HHAT: variants seen among roughly 807,000 people sequenced by gnomAD.
HHAT encodes protein-cysteine N-palmitoyltransferase HHAT.
In HHAT, 47 loss-of-function variants were observed where a neutral mutation model predicts 70.8. The ratio of observed to expected loss-of-function variants is 0.66; its 90% CI spans 0.53 to 0.85. The LOEUF (loss-of-function observed/expected upper bound fraction) is 0.85. Among genes scored for constraint, HHAT ranks in the 40% least tolerant of loss-of-function variants. HHAT has a pLI of 0.00. For missense variants in HHAT, 609 were observed against 604.8 expected (o/e 1.01, Z -0.07); for synonymous variants, 228 against 247.6 (o/e 0.92, Z 0.74).
chr1:210,440,721 C>CTG (rs1158628535), intron 7 of HHAT, among the ~76,000 whole-genome samples: 1 of 151,642 alleles, frequency 6.6e-6, no homozygotes, highest in East Asian at 1.9e-4. Flanking sequence ...AATTTCAACA[C>CTG]TGTGTACCTG....
intron 10 of HHAT, among the ~76,000 whole-genome samples, chr1:210,609,068 C>T (rs1262188424): frequency 4.6e-5 from 7 of 152,162 alleles, no homozygotes; most frequent in Non-Finnish European, 1.0e-4. Flanking sequence ...ACTCAATGAC[C>T]TCCACCTGGT....
intron 10 of HHAT, 22 bp downstream of exon 10, chr1:210,588,121 G>T: frequency 6.4e-7 from 1 of 1,556,596 alleles, no homozygotes; most frequent in Non-Finnish European, 8.7e-7. Context: ...CCTTGCTGCT[G>T]TGTTAGGGGA....
chr1:210,407,821 G>A (rs926552949), intron 6 of HHAT, among the ~76,000 whole-genome samples: 9 of 152,184 alleles, frequency 5.9e-5, no homozygotes, highest in African/African-American at 1.7e-4. Context: ...GGGCCACTAC[G>A]TCTTGAAGAG....
At chr1:210,341,254 GTAT>G (rs1157406247) in intron 1 of HHAT, among the ~76,000 whole-genome samples, 1 of 152,162 alleles carries the variant, frequency 6.6e-6, no homozygotes, top group East Asian at 1.9e-4. Context: ...GTGCATGTGA[GTAT>G]TGGGTTATAG....
At chr1:210,565,960 T>A (rs1654626363) in intron 9 of HHAT, among the ~76,000 whole-genome samples, 1 of 152,204 alleles carries the variant, frequency 6.6e-6, no homozygotes, top group African/African-American at 2.4e-5. Flanking sequence ...TCTAGCGTCC[T>A]CTGTGCCAAC....
At chr1:210,359,412 T>C (rs55970959) in intron 2 of HHAT, among the ~76,000 whole-genome samples, 8,652 of 152,212 alleles carry the variant, frequency 0.057, 348 homozygotes, top group Middle Eastern at 0.11. Context: ...AGAACATCAC[T>C]ATTGTAAAAC....
chr1:210,618,811 A>G (rs1390774240), intron 10 of HHAT, among the ~76,000 whole-genome samples: 1 of 152,168 alleles, frequency 6.6e-6, no homozygotes, highest in Non-Finnish European at 1.5e-5. Flanking sequence ...TGCTGCCTGG[A>G]AAAGAGGGAT....
intron 10 of HHAT, among the ~76,000 whole-genome samples, chr1:210,616,920 T>C (rs545265235): frequency 6.6e-6 from 1 of 152,260 alleles, no homozygotes. Flanking sequence ...CATAGATTGA[T>C]ATTGTCTAGC....
chr1:210,521,184 T>C (rs1368036191), intron 9 of HHAT, among the ~76,000 whole-genome samples: 2 of 152,238 alleles, frequency 1.3e-5, no homozygotes, highest in Non-Finnish European at 2.9e-5. Flanking sequence ...TGAAATAGTG[T>C]GTGCCCTTTT....
intron 11 of HHAT, among the ~76,000 whole-genome samples, chr1:210,668,413 T>A (rs1341606317): frequency 1.3e-5 from 2 of 152,196 alleles, no homozygotes; most frequent in Non-Finnish European, 1.5e-5. Flanking sequence ...GGTAGTTGAA[T>A]CATGGGGGTG....
chr1:210,523,629 C>T (rs112994379), intron 9 of HHAT, among the ~76,000 whole-genome samples: 160 of 152,268 alleles, frequency 1.1e-3, no homozygotes, highest in Middle Eastern at 0.01. Flanking sequence ...CGCACACGTG[C>T]GCATGTGTGT....
intron 10 of HHAT, 105 bp downstream of exon 10, chr1:210,588,204 C>G: frequency 1.0e-6 from 1 of 988,862 alleles, no homozygotes; most frequent in Non-Finnish European, 1.5e-6. Context: ...TGGGCCCTTT[C>G]TACTAGGTTG....
intron 8 of HHAT, among the ~76,000 whole-genome samples, chr1:210,469,459 G>C (rs914522898): frequency 6.6e-6 from 1 of 152,026 alleles, no homozygotes; most frequent in African/African-American, 2.4e-5. Flanking sequence ...TTATTCCTCA[G>C]TTTCTTGAGG....
chr1:210,559,287 A>G (rs1408187535), intron 9 of HHAT, among the ~76,000 whole-genome samples: 1 of 152,150 alleles, frequency 6.6e-6, no homozygotes, highest in Non-Finnish European at 1.5e-5. Flanking sequence ...GAGGGCAGGG[A>G]CCTTCTCTGT....
At chr1:210,667,008 A>G (rs1679034653) in intron 11 of HHAT, among the ~76,000 whole-genome samples, 1 of 151,860 alleles carries the variant, frequency 6.6e-6, no homozygotes, top group South Asian at 2.1e-4. Flanking sequence ...TGAACCCGGA[A>G]GGCAGAGCTT....
chr1:210,485,612 C>T (rs928228348), intron 8 of HHAT, among the ~76,000 whole-genome samples: 3 of 152,064 alleles, frequency 2.0e-5, no homozygotes, highest in African/African-American at 4.8e-5. Context: ...TGTACAGTTC[C>T]ACGTGGCTGG....
chr1:210,618,689 A>G (rs886831028), intron 10 of HHAT, among the ~76,000 whole-genome samples: 1 of 152,110 alleles, frequency 6.6e-6, no homozygotes, highest in Non-Finnish European at 1.5e-5. Flanking sequence ...CGACTGTGTC[A>G]TCTGCCTCCC....
chr1:210,559,799 C>T (rs2148705262), intron 9 of HHAT, among the ~76,000 whole-genome samples: 1 of 152,316 alleles, frequency 6.6e-6, no homozygotes, highest in African/African-American at 2.4e-5. Flanking sequence ...TCATTGATGT[C>T]ACCCAGGAAA....
chr1:210,401,871 GCAGTGGCTAGCATCCCCTGGA>G (rs528323675), intron 5 of HHAT, among the ~76,000 whole-genome samples: 70 of 152,036 alleles, frequency 4.6e-4, no homozygotes, highest in African/African-American at 1.6e-3. Context: ...CATCTCCTGG[GCAGTGGCTAGCATCCCCTGGA>G]CGGCTCTGGA....
Sources: gnomAD v4.1 joint callset for allele counts (sites outside exome capture counted in the v4.1 genomes callset) on GRCh38, gnomAD v4.1.1 for gene constraint, MANE v1.5 for transcripts, NCBI Gene and HGNC (gene_info 2026-07-23, HGNC 2026-07-21) for gene names.